Variants in DIS3L2 observed in about 807,000 individuals in gnomAD.
The protein encoded by DIS3L2 is DIS3 like 3'-5' exoribonuclease 2, also known as DIS3-like exonuclease 2.
A neutral mutation model predicts 97.5 loss-of-function variants in DIS3L2; 34 were observed. The observed-to-expected ratio is 0.35, with a 90% CI of 0.27 to 0.46. DIS3L2 has a LOEUF of 0.46. Among genes scored for constraint, DIS3L2 ranks in the 20% least tolerant of loss-of-function variants. The pLI is 1.00. For missense variants in DIS3L2, 1,038 were observed against 1,146.0 expected, an observed-to-expected ratio of 0.91 and a Z score of 1.36; for synonymous variants, 435 against 445.2, an observed-to-expected ratio of 0.98 and a Z score of 0.29.
At chr2:232,063,063 T>G (rs1430533823) in intron 5 of DIS3L2, among the ~76,000 whole-genome samples, 1 of 152,216 alleles carries the variant, frequency 6.6e-6, no homozygotes, top group Admixed American at 6.5e-5. Flanking sequence ...ATTGCTTGTC[T>G]TCTGTATCAC....
chr2:232,149,003 T>A (rs1690311531), intron 8 of DIS3L2, among the ~76,000 whole-genome samples: 1 of 147,740 alleles, frequency 6.8e-6, no homozygotes, highest in Non-Finnish European at 1.5e-5. Context: ...AGAAAAAGAG[T>A]TCTATAAATG....
chr2:232,310,753 A>G (rs2106330227), intron 14 of DIS3L2, among the ~76,000 whole-genome samples: 1 of 152,354 alleles, frequency 6.6e-6, no homozygotes, highest in African/African-American at 2.4e-5. Flanking sequence ...ATCTGATGCA[A>G]GCAGGTGTGG....
chr2:232,245,214 T>C (rs962700397), intron 11 of DIS3L2, among the ~76,000 whole-genome samples: 3 of 152,212 alleles, frequency 2.0e-5, no homozygotes, highest in African/African-American at 7.2e-5. Context: ...TCCACACTTA[T>C]CACCCTGACC....
chr2:232,242,263 C>T (rs188522859), intron 11 of DIS3L2, among the ~76,000 whole-genome samples: 9 of 152,262 alleles, frequency 5.9e-5, no homozygotes, highest in African/African-American at 2.2e-4. Context: ...GTTAAAACCT[C>T]GAAGTCCTCG....
At chr2:232,275,375 G>A (rs1158458524) in intron 13 of DIS3L2, among the ~76,000 whole-genome samples, 1 of 152,220 alleles carries the variant, frequency 6.6e-6, no homozygotes, top group Admixed American at 6.5e-5. Context: ...GCTGGGCACA[G>A]AAGAGGTATG....
In DIS3L2 at chr2:232,225,658, T is replaced by C. The variant is rs186874831; in HGVS notation, c.1205-12875T>C. On this transcript the variant is annotated intron_variant, in intron 10 of 20. Transcript: ENST00000325385. The stretch of plus-strand genomic sequence containing the variant: ...ACTGGGTGGTGGTTACCTAAGTATA[T>C]TTACTTTGTAAAACTTCATTGAACT... 2.0e-4 allele frequency among the ~76,000 whole-genome samples: 31 copies of C among 152,322 alleles called. 1 individual carries two copies. Among genetic ancestry groups the C allele is most frequent in the Admixed American group, 2.0e-3 (30 of 15,296 alleles).
In DIS3L2 at chr2:231,964,306, G is replaced by A. The variant is rs150536707; in HGVS notation, c.-94+2541G>A. On this transcript the variant is annotated intron_variant, in intron 1 of 20. Transcript: ENST00000325385. ...AATTTGCTTCCCAGTTGTGAGTGAGGTGTGGTTAGTATATTCTGTAGCTTA... is the reference window on the plus strand; with the variant it reads ...AATTTGCTTCCCAGTTGTGAGTGAGATGTGGTTAGTATATTCTGTAGCTTA... 5.8e-4 allele frequency among the ~76,000 whole-genome samples: 89 copies of A among 152,284 alleles called. No individual in the cohort carries two copies. The East Asian group carries it at 0.017, about 29-fold the overall frequency.
chr2:232,313,118 T>A (rs1460840726), intron 14 of DIS3L2, among the ~76,000 whole-genome samples: 2 of 152,208 alleles, frequency 1.3e-5, no homozygotes, highest in African/African-American at 4.8e-5. Context: ...TATTGCACTG[T>A]ACAGTATTTC....
downstream of DIS3L2, among the ~76,000 whole-genome samples, chr2:232,340,241 AGGCGTAGCTGACCT>A (rs1244456682): frequency 6.6e-6 from 1 of 152,172 alleles, no homozygotes. Flanking sequence ...TGAGTGTCCC[AGGCGTAGCTGACCT>A]GAGAAAGGCG....
chr2:232,248,131 G>A (rs1172714183), intron 11 of DIS3L2, among the ~76,000 whole-genome samples: 3 of 152,210 alleles, frequency 2.0e-5, no homozygotes, highest in African/African-American at 7.2e-5. Flanking sequence ...GTAGAGTACA[G>A]TTGCAGATAC....
At chr2:231,967,793 A>G (rs527522339) in intron 1 of DIS3L2, among the ~76,000 whole-genome samples, 46 of 152,304 alleles carry the variant, frequency 3.0e-4, no homozygotes, top group African/African-American at 1.1e-3. Flanking sequence ...TATGACTGAA[A>G]TATGTCTTAT....
rs150892435 is a variant in DIS3L2, at chr2:232,290,274, T to C, written c.1660-9766T>C. Among the ~76,000 whole-genome samples, 1,294 of 152,362 alleles carry C rather than the reference T, an allele frequency of 8.5e-3. 22 individuals carry two copies. Among genetic ancestry groups the C allele is most frequent in the Admixed American group, 0.048 (740 of 15,310 alleles). Reference sequence around the variant, plus strand: ...CATGCTTTGTATTCACTGTTGCATATTGCTCAGGCACGTGAGAGGCAAGAA... The same window carrying C: ...CATGCTTTGTATTCACTGTTGCATACTGCTCAGGCACGTGAGAGGCAAGAA... On this transcript the variant is annotated intron_variant, in intron 13 of 20. Transcript: ENST00000325385.
rs996193836 is a variant in DIS3L2, at chr2:232,083,301, T to C, written c.367-4186T>C. ...TACCCCCCCCCCCCCCCCCCACATATACATACATGCAGAGAAAGACCTTTC... is the reference window on the plus strand; with the variant it reads ...TACCCCCCCCCCCCCCCCCCACATACACATACATGCAGAGAAAGACCTTTC... On this transcript the variant is annotated intron_variant, in intron 5 of 20. Coordinates refer to ENST00000325385, the MANE Select transcript of DIS3L2 (RefSeq NM_152383.5). Among the ~76,000 whole-genome samples, 28 of 123,608 alleles carry C rather than the reference T, an allele frequency of 2.3e-4. 1 individual carries two copies. Among genetic ancestry groups the C allele is most frequent in the East Asian group, 9.2e-4 (3 of 3,258 alleles). 81.1% of individuals were successfully genotyped at this position (123,608 alleles called of 152,430 possible). A position where few individuals can be genotyped will look rare whatever the true frequency, so the allele number is the denominator to read the frequency against.
rs114899262 is a variant in DIS3L2, at chr2:231,999,067, G to T, written c.-93-15768G>T. Among the ~76,000 whole-genome samples, 551 of 152,286 alleles carry T rather than the reference G, an allele frequency of 3.6e-3. 5 individuals carry two copies. The highest frequency in any genetic ancestry group is 0.013 in the African/African-American group (520 of 41,556). Reference sequence around the variant, plus strand: ...CCAGATAGTAAATATTTTCGATTTTGTAGACCATACAGTCCCTCTTGCAAC... The same window carrying T: ...CCAGATAGTAAATATTTTCGATTTTTTAGACCATACAGTCCCTCTTGCAAC... On this transcript the variant is annotated intron_variant, in intron 1 of 20. Transcript: ENST00000325385.
chr2:232,262,010 T>A (rs557446434), intron 12 of DIS3L2, among the ~76,000 whole-genome samples: 1 of 152,332 alleles, frequency 6.6e-6, no homozygotes, highest in East Asian at 1.9e-4. Context: ...GCTCTCTGAG[T>A]GCCCTGTGTT....
chr2:232,321,933 G>A (rs1695449567), intron 14 of DIS3L2, among the ~76,000 whole-genome samples: 1 of 152,202 alleles, frequency 6.6e-6, no homozygotes, highest in African/African-American at 2.4e-5. Flanking sequence ...CAGGGAGCAG[G>A]CCAGGGGAAA....
chr2:232,143,490 T>C (rs1386466532), intron 8 of DIS3L2, among the ~76,000 whole-genome samples: 1 of 152,134 alleles, frequency 6.6e-6, no homozygotes, highest in African/African-American at 2.4e-5. Flanking sequence ...AATATCAAAT[T>C]AACAAACATT....
intron 10 of DIS3L2, among the ~76,000 whole-genome samples, chr2:232,237,682 T>G (rs1692969582): frequency 1.4e-5 from 2 of 143,912 alleles, no homozygotes; most frequent in African/African-American, 2.6e-5. Context: ...GAGGAAATGG[T>G]TGGGGGCGGG....
At chr2:232,090,143 A>G (rs1696793020) in intron 6 of DIS3L2, among the ~76,000 whole-genome samples, 1 of 152,000 alleles carries the variant, frequency 6.6e-6, no homozygotes, top group South Asian at 2.1e-4. Context: ...TGTTGTTGCC[A>G]GGGCTAGTCT....
Sources: allele counts gnomAD v4.1 joint callset (sites outside exome capture counted in the v4.1 genomes callset), GRCh38; gene constraint gnomAD v4.1.1; transcripts MANE v1.5; gene names NCBI Gene and HGNC (gene_info 2026-07-23, HGNC 2026-07-21).